KCNMA1: variants seen among roughly 807,000 people sequenced by gnomAD.
The protein encoded by KCNMA1 is Calcium-activated potassium channel subunit alpha-1.
KCNMA1 carries 29 observed loss-of-function variants against 140.0 expected under a neutral mutation model. That is an observed-to-expected ratio of 0.21 (90% CI 0.15 to 0.28). The LOEUF (loss-of-function observed/expected upper bound fraction) is 0.28, where lower values mean the gene tolerates loss of function less well. Among genes scored for constraint, KCNMA1 ranks in the 10% least tolerant of loss-of-function variants. The pLI, the probability that KCNMA1 is intolerant of heterozygous loss-of-function variation, is 1.00. For missense variants in KCNMA1, 880 were observed against 1,602.2 expected (o/e 0.55, Z 7.70); for synonymous variants, 612 against 611.9 (o/e 1.00, Z 0.00).
intron 1 of KCNMA1, among the ~76,000 whole-genome samples, chr10:77,459,205 C>T (rs577276505): frequency 7.9e-5 from 12 of 152,320 alleles, no homozygotes; most frequent in African/African-American, 1.2e-4. Flanking sequence ...ACAGCCTCTG[C>T]CACAATCACC....
At chr10:77,606,960 A>C (rs1286030653) in intron 1 of KCNMA1, among the ~76,000 whole-genome samples, 1 of 152,090 alleles carries the variant, frequency 6.6e-6, no homozygotes, top group Non-Finnish European at 1.5e-5. Context: ...CTCCCTCTCC[A>C]TGACTCAGTT....
intron 1 of KCNMA1, among the ~76,000 whole-genome samples, chr10:77,505,032 T>C (rs1195101344): frequency 1.3e-5 from 2 of 152,086 alleles, no homozygotes; most frequent in African/African-American, 4.8e-5. Context: ...ATTCATGCCA[T>C]CCACTCACTG....
chr10:77,404,206 A>G (rs2096384638), intron 1 of KCNMA1, among the ~76,000 whole-genome samples, 183 bp from the exon 2 acceptor site: 1 of 152,218 alleles, frequency 6.6e-6, no homozygotes, highest in African/African-American at 2.4e-5. Flanking sequence ...TTATTTAAAA[A>G]AGAATATTTT....
At chr10:77,240,869 T>G (rs2057094685) in intron 3 of KCNMA1, among the ~76,000 whole-genome samples, 1 of 152,232 alleles carries the variant, frequency 6.6e-6, no homozygotes, top group Non-Finnish European at 1.5e-5. Context: ...AATGTTATTT[T>G]GTACTGTTGC....
intron 10 of KCNMA1, 39 bp from the exon 11 acceptor site, chr10:77,086,632 A>T (rs370291127): frequency 8.9e-6 from 13 of 1,466,990 alleles, no homozygotes; most frequent in Admixed American, 1.7e-5. Flanking sequence ...AATTTAATGG[A>T]CTCGGGGGTT....
chr10:77,366,045 T>C (rs901333115), intron 2 of KCNMA1, among the ~76,000 whole-genome samples: 1 of 152,204 alleles, frequency 6.6e-6, no homozygotes, highest in Non-Finnish European at 1.5e-5. Flanking sequence ...TGCATCCTCC[T>C]TATGCAGCTG....
chr10:77,453,875 C>A (rs605976), intron 1 of KCNMA1, among the ~76,000 whole-genome samples: 1 of 151,904 alleles, frequency 6.6e-6, no homozygotes, highest in Non-Finnish European at 1.5e-5. Context: ...GGGCTGGGAA[C>A]GGTTCACCTT....
intron 5 of KCNMA1, among the ~76,000 whole-genome samples, chr10:77,127,502 C>G (rs1316528599): frequency 6.6e-6 from 1 of 152,062 alleles, no homozygotes; most frequent in Non-Finnish European, 1.5e-5. Context: ...ATTTGCATTC[C>G]CTTCAGTATG....
At chr10:77,610,044 T>C (rs2086225872) in intron 1 of KCNMA1, among the ~76,000 whole-genome samples, 1 of 152,318 alleles carries the variant, frequency 6.6e-6, no homozygotes, top group African/African-American at 2.4e-5. Context: ...GGTCACCCTG[T>C]TCCCACCCTG....
At chr10:77,449,481 G>A (rs2097586300) in intron 1 of KCNMA1, among the ~76,000 whole-genome samples, 1 of 137,390 alleles carries the variant, frequency 7.3e-6, no homozygotes, top group Non-Finnish European at 1.6e-5. Flanking sequence ...AATTTAGAAA[G>A]AGTAGACATC....
Position 76,887,297 on chromosome 10 carries a change from T to C in KCNMA1, c.3680A>G (p.Lys1227Arg), listed in dbSNP as rs781336081. 1 of 1,614,142 alleles carries C rather than the reference T, an allele frequency of 6.2e-7. No homozygotes were observed. Among genetic ancestry groups the C allele is most frequent in the South Asian group, 1.1e-5 (1 of 91,076 alleles). Reference sequence around the variant, plus strand: ...CCGCTCTTCCTGCACGTACTTCTGTTTGTCCCGGGACTCCCTGGACTTGGG... The same window carrying C: ...CCGCTCTTCCTGCACGTACTTCTGTCTGTCCCGGGACTCCCTGGACTTGGG... ...NRPKSRESRD[K>R]QKYVQEERL Residue 1227 changes from lysine to arginine, a missense_variant, in exon 28 of 28, where the codon AAA becomes AGA. Coordinates refer to ENST00000286628, the MANE Select transcript of KCNMA1 (RefSeq NM_001161352.2).
chr10:77,508,424 G>A (rs816835), intron 1 of KCNMA1, among the ~76,000 whole-genome samples: 92,060 of 149,696 alleles, frequency 0.61, 29,478 homozygotes, highest in East Asian at 0.79. Context: ...GGCTCAAGCA[G>A]TCTGCCTGCC....
rs36034012 is a variant in KCNMA1, at chr10:77,295,787, CAAAAAAAAA to C, written c.541-44540_541-44532del. Among the ~76,000 whole-genome samples the C allele has an allele frequency of 2.8e-4, 12 of 43,254 alleles. No individual in the cohort carries two copies. In the South Asian group the frequency reaches 4.9e-3, roughly 18 times the overall value. The allele number at this position is 43,254 out of a possible 152,430, so 28.4% of individuals were successfully genotyped here. On this transcript the variant is annotated intron_variant, in intron 2 of 27. Transcript: ENST00000286628. ...TGGGCGACAGAGCGAGACTCCGTCTCAAAAAAAAAAAAAAAAAAAAAAAAAAAAAACAGT... is the reference window on the plus strand; with the variant it reads ...TGGGCGACAGAGCGAGACTCCGTCTCAAAAAAAAAAAAAAAAAAAAACAGT...
chr10:77,552,122 T>C (rs1332276794), intron 1 of KCNMA1, among the ~76,000 whole-genome samples: 1 of 152,150 alleles, frequency 6.6e-6, no homozygotes, highest in East Asian at 1.9e-4. Context: ...GGAAGCTAGA[T>C]TGTAGACCAA....
intron 16 of KCNMA1, chr10:77,020,311 G>A (rs2092685480): frequency 6.6e-6 from 1 of 152,166 alleles, no homozygotes; most frequent in Non-Finnish European, 1.5e-5. Context: ...AGTCATACAG[G>A]AAGGACCCAG....
At chr10:77,047,104 C>T (rs1029938406) in intron 14 of KCNMA1, among the ~76,000 whole-genome samples, 1 of 152,124 alleles carries the variant, frequency 6.6e-6, no homozygotes, top group Non-Finnish European at 1.5e-5. Flanking sequence ...AGAGCATTTT[C>T]CAGAATGTGT....
rs3887173 is a variant in KCNMA1, at chr10:77,434,567, A to G, written c.379-30544T>C. 8.9e-3 allele frequency among the ~76,000 whole-genome samples: 1,354 copies of G among 152,324 alleles called. 22 individuals carry two copies. The highest frequency in any genetic ancestry group is 0.031 in the African/African-American group (1,287 of 41,564). ...ACATTCTTTTGTATGAAGATATTCA[A>G]TGCTGCACATGGCATCTCTCACGAC... On this transcript the variant is annotated intron_variant, in intron 1 of 27. Transcript: ENST00000286628.
chr10:77,528,753 T>C (rs538181192), intron 1 of KCNMA1, among the ~76,000 whole-genome samples: 7 of 152,322 alleles, frequency 4.6e-5, no homozygotes, highest in Admixed American at 3.3e-4. Context: ...GGTGTGGCCA[T>C]GCACAGAACT....
At chr10:76,893,156 C>T (rs944804034) in intron 25 of KCNMA1, among the ~76,000 whole-genome samples, 9 of 152,134 alleles carry the variant, frequency 5.9e-5, no homozygotes, top group Admixed American at 4.6e-4. Flanking sequence ...AGTTATTTAA[C>T]ATTTTTGTGC....
Sources: allele counts gnomAD v4.1 joint callset (sites outside exome capture counted in the v4.1 genomes callset), GRCh38; gene constraint gnomAD v4.1.1; transcripts MANE v1.5; gene names NCBI Gene and HGNC (gene_info 2026-07-23, HGNC 2026-07-21).